Variants in THNSL2 observed in about 807,000 individuals in gnomAD.
THNSL2 encodes the protein threonine synthase like 2.
THNSL2 carries 34 observed loss-of-function variants against 40.0 expected under a neutral mutation model. That is an observed-to-expected ratio of 0.85 (90% CI 0.65 to 1.13). The LOEUF (loss-of-function observed/expected upper bound fraction) is 1.13, where lower values mean the gene tolerates loss of function less well. Ranked by LOEUF, THNSL2 falls within the 50% of genes most tolerant of loss-of-function variation. The probability of loss-of-function intolerance (pLI) is 0.00; values close to 1 mark genes in which losing one functional copy is unlikely to be tolerated. For synonymous variants in THNSL2, 241 were observed against 247.5 expected (o/e 0.97, Z 0.25); for missense variants, 537 against 608.8 (o/e 0.88, Z 1.24).
chr2:88,186,003 G>A lies in THNSL2; in HGVS notation c.1335G>A (p.Glu445=), dbSNP rs1351964790. Residue 445 remains glutamate (E), a synonymous_variant, in exon 9 of 9, where the codon GAG becomes GAA. Transcript: ENST00000674334. The stretch of plus-strand genomic sequence containing the variant: ...CTCCCGCGGAGATCGTAGCCCTGGA[G>A]CACAAGGAGACACGCTGCACCCTGA... ...PETPAEIVAL[E]HKETRCTLMR... 6.2e-7 allele frequency: 1 copy of A among 1,611,776 alleles called. No homozygotes were observed. Among genetic ancestry groups the A allele is most frequent in the South Asian group, 1.1e-5 (1 of 90,202 alleles).
chr2:88,180,757 A>C (rs1235693704), intron 5 of THNSL2, among the ~76,000 whole-genome samples: 1 of 152,148 alleles, frequency 6.6e-6, no homozygotes, highest in Admixed American at 6.5e-5. Flanking sequence ...TGCTTGTTCC[A>C]TGCAAACAAG....
chr2:88,175,378 A>G lies in THNSL2; in HGVS notation c.548A>G (p.Lys183Arg), dbSNP rs1220613098. ...GAGCTCCAGATGACAACGGTGCTGA[A>G]GCAGAACGTACATGTGTTTGGAGGT... ...IQELQMTTVL[K>R]QNVHVFGVEG... The change falls in exon 4 of 9, where the codon AAG (lysine) becomes AGG (arginine). Residue 183 changes from lysine to arginine, a missense_variant. Transcript: ENST00000674334. 1 of 1,614,212 alleles carries G rather than the reference A, an allele frequency of 6.2e-7. No homozygotes were observed. The highest frequency in any genetic ancestry group is 2.2e-5 in the East Asian group (1 of 44,868).
chr2:88,179,683 CATT>C (rs1415196675), intron 5 of THNSL2, among the ~76,000 whole-genome samples: 2 of 152,224 alleles, frequency 1.3e-5, no homozygotes, highest in Non-Finnish European at 2.9e-5. Flanking sequence ...CTCTAATAAT[CATT>C]AATATTTATC....
In THNSL2 at chr2:88,186,410, G is replaced by C. The variant is rs1573219413; in HGVS notation, c.*287G>C. 2.2e-6 allele frequency: 1 copy of C among 446,140 alleles called. No homozygotes were observed. The highest frequency in any genetic ancestry group is 2.2e-5 in the South Asian group (1 of 44,456). 27.6% of individuals were successfully genotyped at this position (446,140 alleles called of 1,614,324 possible). A position where few individuals can be genotyped will look rare whatever the true frequency, so the allele number is the denominator to read the frequency against. On this transcript the variant is annotated 3_prime_UTR_variant, in exon 9 of 9. Coordinates refer to ENST00000674334, the MANE Select transcript of THNSL2 (RefSeq NM_018271.5). ...AGTTTCAGGGCCTGCAAAAGAAGAG[G>C]CTTGGGCACAGGACTGACCATGGCT...
At chr2:88,175,840 G>A in intron 4 of THNSL2, 1 of 158,436 alleles carries the variant, frequency 6.3e-6, no homozygotes, top group Non-Finnish European at 1.4e-5. Context: ...ACTCATGCCT[G>A]TAATCCCAGC....
At position 88,185,569 on chromosome 2, in the gene THNSL2, G is replaced by A. The variant is rs188212837; in HGVS notation, c.1229+90G>A. 352 of 1,551,840 alleles carry A rather than the reference G, an allele frequency of 2.3e-4. 3 individuals are homozygous for A. The East Asian group carries it at 7.0e-3, about 31-fold the overall frequency. On this transcript the variant is annotated intron_variant, in intron 8 of 8. Transcript: ENST00000674334. ...CAAGCAGTGGGAGAGACAGGACTACGAAAAAATGGCTGTAATGGAGTGTGA... is the reference window on the plus strand; with the variant it reads ...CAAGCAGTGGGAGAGACAGGACTACAAAAAAATGGCTGTAATGGAGTGTGA...
intron 4 of THNSL2, 27 bp downstream of exon 4, chr2:88,175,428 G>T: frequency 1.2e-6 from 2 of 1,613,088 alleles, no homozygotes; most frequent in Non-Finnish European, 1.7e-6. Flanking sequence ...AGGCTCTAGG[G>T]ACAGTGCAGC....
chr2:88,181,693 A>G lies in THNSL2; in HGVS notation c.803-1006A>G, dbSNP rs1373674501. ...TATAATATATTCACAGACTTGTGCA[A>G]CTATCACCATAACCAATTTTGGAAT... On this transcript the variant is annotated intron_variant, in intron 5 of 8. Transcript: ENST00000674334. Among the ~76,000 whole-genome samples, 5 of 152,034 alleles carry G rather than the reference A, an allele frequency of 3.3e-5. No individual in the cohort carries two copies. In the East Asian group the frequency reaches 9.6e-4, roughly 29 times the overall value.
In THNSL2 at chr2:88,175,683, C is replaced by G. The variant is rs62157023; in HGVS notation, c.571+282C>G. 5 of 365,904 alleles carry G rather than the reference C, an allele frequency of 1.4e-5. No homozygotes were observed. In the Admixed American group the frequency reaches 1.7e-4, roughly 13 times the overall value. 22.7% of individuals were successfully genotyped at this position (365,904 alleles called of 1,614,324 possible). On this transcript the variant is annotated intron_variant, in intron 4 of 8. Transcript: ENST00000674334. ...CAAAAAATGCCACCTCCATGCATGT[C>G]CAACCTGCAAGTGTCATGTATGTCA...
At chr2:88,173,772 G>A (rs1676618582) in intron 2 of THNSL2, among the ~76,000 whole-genome samples, 1 of 152,016 alleles carries the variant, frequency 6.6e-6, no homozygotes, top group African/African-American at 2.4e-5. Context: ...TTCCAGAAAG[G>A]ACTTCAAGAC....
chr2:88,173,811 A>G (rs576583032), intron 2 of THNSL2, among the ~76,000 whole-genome samples: 8 of 152,188 alleles, frequency 5.3e-5, no homozygotes, highest in South Asian at 2.1e-4. Context: ...CTTAAGCTCT[A>G]CTGTGCCTAT....
intron 1 of THNSL2, chr2:88,172,140 A>G (rs1676443568): frequency 6.6e-6 from 1 of 152,254 alleles, no homozygotes; most frequent in Non-Finnish European, 1.5e-5. Flanking sequence ...ATTCATCCCC[A>G]TAGTTACTGT....
chr2:88,170,769 G>C (rs757693247), intron 1 of THNSL2, among the ~76,000 whole-genome samples: 21 of 152,062 alleles, frequency 1.4e-4, no homozygotes, highest in Non-Finnish European at 2.9e-4. Flanking sequence ...GATTTAGGCC[G>C]CCCTCCTTGG....
At chr2:88,179,814 G>T (rs904325092) in intron 5 of THNSL2, among the ~76,000 whole-genome samples, 1 of 152,208 alleles carries the variant, frequency 6.6e-6, no homozygotes, top group African/African-American at 2.4e-5. Flanking sequence ...ACAGAGAAAG[G>T]AGTCATGCCC....
intron 5 of THNSL2, among the ~76,000 whole-genome samples, chr2:88,180,332 A>G (rs1677396682): frequency 6.6e-6 from 1 of 152,234 alleles, no homozygotes; most frequent in South Asian, 2.1e-4. Flanking sequence ...CATGAGGATC[A>G]GGTGAAATAA....
intron 3 of THNSL2, among the ~76,000 whole-genome samples, chr2:88,175,037 C>A (rs753084703): frequency 6.6e-6 from 1 of 152,166 alleles, no homozygotes; most frequent in African/African-American, 2.4e-5. Flanking sequence ...TTGAAGTGCA[C>A]AAAATGCTTA....
At chr2:88,173,761 A>C (rs1178309637) in intron 2 of THNSL2, among the ~76,000 whole-genome samples, 1 of 151,708 alleles carries the variant, frequency 6.6e-6, no homozygotes, top group Non-Finnish European at 1.5e-5. Context: ...TTGAATGTTA[A>C]TTCCAGAAAG....
chr2:88,175,304 C>T lies in THNSL2; in HGVS notation c.474C>T (p.Asn158=). The T allele has an allele frequency of 6.2e-7, 1 of 1,614,214 alleles. No individual in the cohort carries two copies. Among genetic ancestry groups the T allele is most frequent in the East Asian group, 2.2e-5 (1 of 44,876 alleles). Residue 158 remains asparagine (N), a synonymous_variant, in exon 4 of 9, where the codon AAC becomes AAT. Transcript: ENST00000674334. ...TTGAGAGTGTTCAAGGGGCAAAGAACATGGACATTATCGTTCTGCTGCCCA... is the reference window on the plus strand; with the variant it reads ...TTGAGAGTGTTCAAGGGGCAAAGAATATGGACATTATCGTTCTGCTGCCCA... ...AAIESVQGAK[N]MDIIVLLPKG...
chr2:88,184,576 C>A (rs549301838), intron 7 of THNSL2, among the ~76,000 whole-genome samples: 29 of 150,874 alleles, frequency 1.9e-4, no homozygotes, highest in African/African-American at 6.9e-4. Flanking sequence ...ACCAGCCTGG[C>A]CAACATGGTG....
Sources: gnomAD v4.1 joint callset for allele counts (sites outside exome capture counted in the v4.1 genomes callset) on GRCh38, gnomAD v4.1.1 for gene constraint, MANE v1.5 for transcripts, NCBI Gene and HGNC (gene_info 2026-07-23, HGNC 2026-07-21) for gene names.